Variants in POU6F2 observed in about 807,000 individuals in gnomAD.
POU6F2 encodes the protein POU domain, class 6, transcription factor 2.
Under a neutral mutation model 71.3 loss-of-function variants are expected in POU6F2, and 31 were observed. The observed-to-expected ratio is 0.43, with a 90% CI of 0.33 to 0.59. POU6F2 has a LOEUF of 0.59. Among genes scored for constraint, POU6F2 ranks in the 20% least tolerant of loss-of-function variants. The probability of loss-of-function intolerance (pLI) is 0.04; values close to 1 mark genes in which losing one functional copy is unlikely to be tolerated. For missense variants in POU6F2, 783 were observed against 856.8 expected, an observed-to-expected ratio of 0.91 and a Z score of 1.07; for synonymous variants, 347 against 355.7, an observed-to-expected ratio of 0.98 and a Z score of 0.27.
At chr7:39,438,231 A>G (rs887474358) in intron 7 of POU6F2, among the ~76,000 whole-genome samples, 5 of 152,100 alleles carry the variant, frequency 3.3e-5, no homozygotes, top group South Asian at 2.1e-4. Context: ...TTTGCTGAGA[A>G]TGATGGTTTC....
chr7:39,099,916 T>C (rs1791532951), intron 2 of POU6F2, among the ~76,000 whole-genome samples: 1 of 152,218 alleles, frequency 6.6e-6, no homozygotes, highest in Non-Finnish European at 1.5e-5. Flanking sequence ...TTAAGATCTC[T>C]TTTCTCAACG....
At chr7:39,327,705 G>A (rs1785540495) in intron 4 of POU6F2, among the ~76,000 whole-genome samples, 1 of 151,724 alleles carries the variant, frequency 6.6e-6, no homozygotes, top group Non-Finnish European at 1.5e-5. Context: ...AAAATTCTGT[G>A]TACATATATA....
chr7:38,996,720 A>G (rs1232950001), intron 1 of POU6F2, among the ~76,000 whole-genome samples: 2 of 152,184 alleles, frequency 1.3e-5, no homozygotes, highest in South Asian at 2.1e-4. Context: ...CTCTGCTTGT[A>G]TATCTATTTC....
Position 39,112,264 on chromosome 7 carries a change from T to TATGA in POU6F2, c.277+26233_277+26234insATGA, listed in dbSNP as rs747614921. Among the ~76,000 whole-genome samples the TATGA allele has an allele frequency of 4.7e-3, 716 of 152,306 alleles. 4 individuals carry two copies. Among genetic ancestry groups the TATGA allele is most frequent in the South Asian group, 0.018 (85 of 4,826 alleles). On this transcript the variant is annotated intron_variant, in intron 2 of 9. Transcript: ENST00000518318. ...GTCTTTTAAATATGATACAGGTAAC[T>TATGA]TAAAAGTACTACTTTTAAGTGAGCG...
In POU6F2 at chr7:39,109,225, G is replaced by A. The variant is rs181561784; in HGVS notation, c.277+23194G>A. Among the ~76,000 whole-genome samples, 387 of 152,094 alleles carry A rather than the reference G, an allele frequency of 2.5e-3. 1 individual carries two copies. The highest frequency in any genetic ancestry group is 3.1e-3 in the Admixed American group (47 of 15,264). ...CACTGCATCTGGCTAATTTTTTGTA[G>A]AGACTTTGCTATGTTGCCCGGGCTG... On this transcript the variant is annotated intron_variant, in intron 2 of 9. Coordinates refer to ENST00000518318, the MANE Select transcript of POU6F2 (RefSeq NM_001370959.1).
At chr7:39,197,364 G>A (rs1261991353) in intron 2 of POU6F2, among the ~76,000 whole-genome samples, 6 of 152,248 alleles carry the variant, frequency 3.9e-5, no homozygotes, top group Admixed American at 1.3e-4. Context: ...GCCCATGTGC[G>A]ATAGGTTGGG....
intron 2 of POU6F2, among the ~76,000 whole-genome samples, chr7:39,106,015 G>C (rs1791676977): frequency 6.6e-6 from 1 of 152,090 alleles, no homozygotes; most frequent in Non-Finnish European, 1.5e-5. Context: ...CATGGTGTGT[G>C]GTGCAAAGAT....
intron 7 of POU6F2, among the ~76,000 whole-genome samples, chr7:39,435,122 G>A (rs917822141): frequency 6.6e-6 from 1 of 152,174 alleles, no homozygotes; most frequent in African/African-American, 2.4e-5. Context: ...ACAGTAGAAA[G>A]ATTTATATTA....
intron 4 of POU6F2, among the ~76,000 whole-genome samples, chr7:39,229,843 CTG>C (rs1253411078): frequency 1.3e-5 from 2 of 152,174 alleles, no homozygotes; most frequent in African/African-American, 4.8e-5. Context: ...GAGATACTAA[CTG>C]ACGTTTTGAG....
chr7:39,005,484 CTGTGTG>C (rs56984287), intron 1 of POU6F2, among the ~76,000 whole-genome samples: 1 of 126,610 alleles, frequency 7.9e-6, no homozygotes, highest in Non-Finnish European at 1.7e-5. Context: ...AGGGAGAAAC[CTGTGTG>C]TGTGTGTGTG....
chr7:39,185,725 G>C (rs183078693), intron 2 of POU6F2, among the ~76,000 whole-genome samples: 64 of 151,718 alleles, frequency 4.2e-4, no homozygotes, highest in Non-Finnish European at 7.6e-4. Flanking sequence ...GAGCATATCT[G>C]GCCATCATTC....
chr7:39,425,255 C>T (rs1267027479), intron 6 of POU6F2, among the ~76,000 whole-genome samples: 4 of 151,846 alleles, frequency 2.6e-5, no homozygotes, highest in East Asian at 3.9e-4. Flanking sequence ...TCCCCAATAA[C>T]TACACAAACA....
Position 39,339,754 on chromosome 7 carries a change from C to G in POU6F2, c.711C>G (p.Ala237=). The change falls in exon 5 of 10, where the codon GCC becomes GCG. Residue 237 remains alanine (A), a synonymous_variant. Transcript: ENST00000518318. ...PPSTNQHPQP[A]PQAPSQSQQQ... The stretch of plus-strand genomic sequence containing the variant: ...CAACCAACCAGCACCCGCAACCAGC[C>G]CCACAGGCGCCCTCGCAGTCCCAGC... 1.9e-6 allele frequency: 3 copies of G among 1,595,690 alleles called. No homozygotes were observed. Among genetic ancestry groups the G allele is most frequent in the Non-Finnish European group, 2.6e-6 (3 of 1,171,346 alleles).
At chr7:39,257,136 G>A (rs1406199052) in intron 4 of POU6F2, among the ~76,000 whole-genome samples, 5 of 152,228 alleles carry the variant, frequency 3.3e-5, no homozygotes, top group South Asian at 2.1e-4. Flanking sequence ...CTCACAAGCC[G>A]CATACATTTA....
intron 3 of POU6F2, 148 bp from the exon 4 acceptor site, chr7:39,207,244 C>A: frequency 1.5e-6 from 1 of 667,840 alleles, no homozygotes; most frequent in South Asian, 3.2e-5. Flanking sequence ...TTTTTTTCTA[C>A]CAATCATTTT....
intron 5 of POU6F2, among the ~76,000 whole-genome samples, chr7:39,367,969 T>C (rs1423597619): frequency 1.3e-5 from 2 of 152,220 alleles, no homozygotes; most frequent in Non-Finnish European, 2.9e-5. Flanking sequence ...TTCTGACTGC[T>C]CCACCAGTGA....
intron 2 of POU6F2, among the ~76,000 whole-genome samples, chr7:39,160,091 C>T (rs1792961772): frequency 6.6e-6 from 1 of 152,154 alleles, no homozygotes; most frequent in Non-Finnish European, 1.5e-5. Context: ...GAACTATCAG[C>T]AAACATAGGA....
At chr7:39,321,285 C>A (rs1016160927) in intron 4 of POU6F2, among the ~76,000 whole-genome samples, 1 of 151,960 alleles carries the variant, frequency 6.6e-6, no homozygotes, top group African/African-American at 2.4e-5. Context: ...TAAATGGGAG[C>A]GGAAGAGGCT....
chr7:39,156,314 A>C (rs1403651571), intron 2 of POU6F2, among the ~76,000 whole-genome samples: 3 of 152,220 alleles, frequency 2.0e-5, no homozygotes, highest in Non-Finnish European at 4.4e-5. Flanking sequence ...GAATTGGGCA[A>C]GTGTTCATTG....
Sources: allele counts gnomAD v4.1 joint callset (sites outside exome capture counted in the v4.1 genomes callset), GRCh38; gene constraint gnomAD v4.1.1; transcripts MANE v1.5; gene names NCBI Gene and HGNC (gene_info 2026-07-23, HGNC 2026-07-21).